TBC1D20: variants seen among roughly 807,000 people sequenced by gnomAD.
The protein encoded by TBC1D20 is chromosome 20 open reading frame 140.
In TBC1D20, 12 loss-of-function variants were observed where a neutral mutation model predicts 41.6. The ratio of observed to expected loss-of-function variants is 0.29; its 90% CI spans 0.18 to 0.47. The LOEUF (loss-of-function observed/expected upper bound fraction) is 0.47, where lower values mean the gene tolerates loss of function less well. Among genes scored for constraint, TBC1D20 ranks in the 20% least tolerant of loss-of-function variants. The pLI is 1.00. For missense variants in TBC1D20, 421 were observed against 517.4 expected (o/e 0.81, Z 1.81); for synonymous variants, 205 against 204.8 (o/e 1.00, Z -0.01).
At chr20:453,148 C>T (rs1222618054) in intron 1 of TBC1D20, among the ~76,000 whole-genome samples, 3 of 81,988 alleles carry the variant, frequency 3.7e-5, no homozygotes, top group East Asian at 4.3e-4. Context: ...AGCGAAACTC[C>T]GTTTCAAAAA....
intron 3 of TBC1D20, among the ~76,000 whole-genome samples, chr20:442,611 T>C (rs1228755433): frequency 1.3e-5 from 2 of 152,236 alleles, no homozygotes; most frequent in Non-Finnish European, 2.9e-5. Context: ...GTGGATTAAT[T>C]AGTTAACTAT....
At chr20:451,414 G>T (rs2017440024) in intron 1 of TBC1D20, among the ~76,000 whole-genome samples, 2 of 152,152 alleles carry the variant, frequency 1.3e-5, no homozygotes, top group Non-Finnish European at 2.9e-5. Context: ...CGGGCATGGT[G>T]GCAGGCGCTT....
At chr20:444,367 A>G (rs1207632665) in intron 3 of TBC1D20, among the ~76,000 whole-genome samples, 1 of 152,190 alleles carries the variant, frequency 6.6e-6, no homozygotes, top group African/African-American at 2.4e-5. Flanking sequence ...GCCAGCTTAG[A>G]GGCTCCTGTT....
Position 436,187 on chromosome 20 carries a change from G to C in TBC1D20, c.*2399C>G, listed in dbSNP as rs2017114937. On this transcript the variant is annotated 3_prime_UTR_variant, in exon 8 of 8. Transcript: ENST00000354200. ...GGCTGACCAGGAGTCCACAGACCATGGCACAGTTCTGGGCCTGACATGGAA... is the reference window on the plus strand; with the variant it reads ...GGCTGACCAGGAGTCCACAGACCATCGCACAGTTCTGGGCCTGACATGGAA... The C allele has an allele frequency of 6.6e-6, 1 of 152,226 alleles. No homozygotes were observed. Among genetic ancestry groups the C allele is most frequent in the Admixed American group, 6.5e-5 (1 of 15,280 alleles). The allele number at this position is 152,226 out of a possible 1,614,324, so 9.4% of individuals were successfully genotyped here.
In TBC1D20 at chr20:441,524, T is replaced by C. The variant is rs1030722068; in HGVS notation, c.626+64A>G. 21 of 1,397,932 alleles carry C rather than the reference T, an allele frequency of 1.5e-5. No individual in the cohort carries two copies. The Admixed American group carries it at 3.0e-4, about 20-fold the overall frequency. 86.6% of individuals were successfully genotyped at this position (1,397,932 alleles called of 1,614,324 possible). ...AACTGCGCTCGGCTTGTGAGGAGTG[T>C]TTCAGGTGTGGGGGGGTGTGGGCGT... On this transcript the variant is annotated intron_variant, in intron 5 of 7. Transcript: ENST00000354200.
At position 447,001 on chromosome 20, in the gene TBC1D20, G is replaced by A. The variant is rs1044312510; in HGVS notation, c.256+888C>T. On this transcript the variant is annotated intron_variant, in intron 2 of 7. Transcript: ENST00000354200. ...GTCTCACTCTGTCACCCAGGCTGGA[G>A]GACAGTGGTGCAATCTCTGCTCACT... Among the ~76,000 whole-genome samples, 7 of 147,014 alleles carry A rather than the reference G, an allele frequency of 4.8e-5. No individual in the cohort carries two copies. In the South Asian group the frequency reaches 6.5e-4, roughly 14 times the overall value.
At chr20:446,097 T>C (rs1472957658) in intron 2 of TBC1D20, among the ~76,000 whole-genome samples, 2 of 152,260 alleles carry the variant, frequency 1.3e-5, no homozygotes, top group East Asian at 3.8e-4. Flanking sequence ...ACAACTAATA[T>C]TTGCCAACTG....
rs2017162148 is a variant in TBC1D20, at chr20:438,556, G to C, written c.*30C>G. On this transcript the variant is annotated 3_prime_UTR_variant, in exon 8 of 8. Transcript: ENST00000354200. ...TTCCATGGAAGGGTGAGACCTTAAT[G>C]TGATGTAAGAGGAAGGTCTTCTCTG... The C allele has an allele frequency of 1.2e-6, 2 of 1,609,410 alleles. No individual in the cohort carries two copies. The highest frequency in any genetic ancestry group is 1.7e-6 in the Non-Finnish European group (2 of 1,176,512).
At chr20:450,634 C>T (rs530007381) in intron 1 of TBC1D20, 34 of 152,282 alleles carry the variant, frequency 2.2e-4, no homozygotes, top group Admixed American at 3.9e-4. Flanking sequence ...TATTCATAGA[C>T]ATTTTGCCAT....
intron 2 of TBC1D20, among the ~76,000 whole-genome samples, chr20:447,644 C>A (rs910303020): frequency 3.3e-5 from 5 of 152,008 alleles, no homozygotes; most frequent in Non-Finnish European, 7.4e-5. Flanking sequence ...GGTGACAGAG[C>A]AAGACTCCGT....
Position 439,262 on chromosome 20 carries a change from A to C in TBC1D20, c.802T>G (p.Cys268Gly). The C allele has an allele frequency of 6.2e-7, 1 of 1,612,780 alleles. No individual in the cohort carries two copies. The highest frequency in any genetic ancestry group is 2.2e-5 in the East Asian group (1 of 44,886). The change falls in exon 7 of 8, where the codon TGT becomes GGT. Residue 268 changes from cysteine (C) to glycine (G), a missense_variant. Cys to Gly is a radical substitution (Grantham distance 159, BLOSUM62 -3). Coordinates refer to ENST00000354200, the MANE Select transcript of TBC1D20 (RefSeq NM_144628.4). This position sits in a 1 kb window ranked among gnomAD's most constrained non-coding sequence, Gnocchi z 4.6. ...TGGACCGAGGCCATGTCACAGTCAC[A>C]GTCCAGGACTTCCTGCTCGCGATAC... ...VLYREQEVLD[C>G]DCDMASVHHL...
intron 1 of TBC1D20, among the ~76,000 whole-genome samples, chr20:456,076 G>C (rs2017534914): frequency 6.6e-6 from 1 of 152,140 alleles, no homozygotes; most frequent in African/African-American, 2.4e-5. Context: ...CCAGGATTTG[G>C]AGAGCAACCA....
chr20:450,112 CACGCT>C (rs1203304943), intron 1 of TBC1D20, among the ~76,000 whole-genome samples: 1 of 151,872 alleles, frequency 6.6e-6, no homozygotes, highest in Non-Finnish European at 1.5e-5. Context: ...TCTCCTGTTA[CACGCT>C]ACTACAACTG....
chr20:455,884 A>G (rs1477362989), intron 1 of TBC1D20, among the ~76,000 whole-genome samples: 2 of 152,166 alleles, frequency 1.3e-5, no homozygotes, highest in Non-Finnish European at 2.9e-5. Flanking sequence ...GTGAGCTGAG[A>G]TCACGCCACT....
chr20:451,573 AT>A (rs1419496415), intron 1 of TBC1D20, among the ~76,000 whole-genome samples: 1 of 152,094 alleles, frequency 6.6e-6, no homozygotes, highest in Non-Finnish European at 1.5e-5. Context: ...AAATAAATAA[AT>A]TCTCTCGGCT....
chr20:445,164 G>T (rs1243355335), intron 2 of TBC1D20, 34 bp from the exon 3 acceptor site: 54 of 1,525,874 alleles, frequency 3.5e-5, no homozygotes, highest in Non-Finnish European at 4.5e-5. Context: ...TTGCAGGAAT[G>T]CCTGAGAAGC....
intron 1 of TBC1D20, among the ~76,000 whole-genome samples, chr20:451,635 T>C (rs1359363041): frequency 1.3e-5 from 2 of 152,186 alleles, no homozygotes; most frequent in South Asian, 2.1e-4. Context: ...GCAGCACCCA[T>C]CACATCTGCC....
At position 449,285 on chromosome 20, in the gene TBC1D20, T is replaced by TAAAAAAAA. The variant is rs1169245536; in HGVS notation, c.71-1219_71-1212dup. Among the ~76,000 whole-genome samples, 53 of 56,920 alleles carry TAAAAAAAA rather than the reference T, an allele frequency of 9.3e-4. 4 individuals are homozygous for TAAAAAAAA. Among genetic ancestry groups the TAAAAAAAA allele is most frequent in the African/African-American group, 3.7e-3 (40 of 10,868 alleles). The allele number at this position is 56,920 out of a possible 152,430, so 37.3% of individuals were successfully genotyped here. A position where few individuals can be genotyped will look rare whatever the true frequency, so the allele number is the denominator to read the frequency against. On this transcript the variant is annotated intron_variant, in intron 1 of 7. Transcript: ENST00000354200. ...CTCCTGTCTCAGCCTCCCAATACAT[T>TAAAAAAAA]AAAAAAAAAAAAAAAAAAAAGGTAA...
At chr20:442,873 G>A (rs2017265003) in intron 3 of TBC1D20, among the ~76,000 whole-genome samples, 1 of 152,226 alleles carries the variant, frequency 6.6e-6, no homozygotes, top group Admixed American at 6.5e-5. Context: ...AGAGGCAGGT[G>A]GATCACGAGG....
Sources: allele counts gnomAD v4.1 joint callset (sites outside exome capture counted in the v4.1 genomes callset), GRCh38; gene constraint gnomAD v4.1.1; non-coding constraint Gnocchi (gnomAD v3.1); transcripts MANE v1.5; gene names NCBI Gene and HGNC (gene_info 2026-07-23, HGNC 2026-07-21).